DIS3L2: variants seen among roughly 807,000 people sequenced by gnomAD.
The protein encoded by DIS3L2 is DIS3-like exonuclease 2.
DIS3L2 carries 34 observed loss-of-function variants against 97.5 expected under a neutral mutation model. That is an observed-to-expected ratio of 0.35 (90% CI 0.27 to 0.46). The LOEUF is 0.46. Ranked by LOEUF, DIS3L2 falls within the 20% of genes least tolerant of loss-of-function variation. The pLI, the probability that DIS3L2 is intolerant of heterozygous loss-of-function variation, is 1.00. For missense variants in DIS3L2, 1,038 were observed against 1,146.0 expected (o/e 0.91, Z 1.36); for synonymous variants, 435 against 445.2 (o/e 0.98, Z 0.29).
intron 6 of DIS3L2, among the ~76,000 whole-genome samples, chr2:232,110,757 T>G (rs753299899): frequency 1.3e-4 from 20 of 152,104 alleles, no homozygotes; most frequent in Non-Finnish European, 2.8e-4. Flanking sequence ...ATGTTGGGCT[T>G]AACACCTGGG....
At chr2:232,255,190 A>G (rs1210229684) in intron 12 of DIS3L2, among the ~76,000 whole-genome samples, 1 of 152,246 alleles carries the variant, frequency 6.6e-6, no homozygotes, top group Non-Finnish European at 1.5e-5. Context: ...GGCAAGGGGT[A>G]GCCCTGCATC....
chr2:232,300,001 G>C (rs1694815127), intron 13 of DIS3L2, 39 bp from the exon 14 acceptor site: 1 of 1,587,124 alleles, frequency 6.3e-7, no homozygotes, highest in African/African-American at 1.3e-5. Flanking sequence ...AATAGAGCAT[G>C]CTGCCTAAAA....
intron 12 of DIS3L2, among the ~76,000 whole-genome samples, chr2:232,258,132 C>G (rs1233084305): frequency 6.6e-6 from 1 of 152,198 alleles, no homozygotes; most frequent in Non-Finnish European, 1.5e-5. Flanking sequence ...TGCTGTAGTA[C>G]ATAATTATGT....
chr2:232,025,487 A>G (rs1299322801), intron 4 of DIS3L2, among the ~76,000 whole-genome samples: 2 of 152,150 alleles, frequency 1.3e-5, no homozygotes, highest in Non-Finnish European at 2.9e-5. Flanking sequence ...TTCGAGTCTT[A>G]CCCATTGAAT....
At chr2:232,172,165 A>G (rs910906584) in intron 9 of DIS3L2, among the ~76,000 whole-genome samples, 2 of 152,228 alleles carry the variant, frequency 1.3e-5, no homozygotes, top group Non-Finnish European at 2.9e-5. Flanking sequence ...GAGATATTCA[A>G]ATACCACAAA....
At chr2:231,993,998 ATAGTTT>A (rs937161163) in intron 1 of DIS3L2, among the ~76,000 whole-genome samples, 11 of 149,940 alleles carry the variant, frequency 7.3e-5, no homozygotes, top group Non-Finnish European at 1.6e-4. Context: ...TAAGAGTTTT[ATAGTTT>A]TTGTATTAGA....
intron 5 of DIS3L2, among the ~76,000 whole-genome samples, chr2:232,048,143 A>G (rs1695294071): frequency 6.6e-6 from 1 of 152,204 alleles, no homozygotes; most frequent in South Asian, 2.1e-4. Context: ...TAAAATATAG[A>G]TCACTAAAAG....
In DIS3L2 at chr2:232,336,609, C is replaced by G. The variant is rs376299829; in HGVS notation, c.2637C>G (p.Pro879=). 6.8e-6 allele frequency: 11 copies of G among 1,606,066 alleles called. No individual in the cohort carries two copies. The East Asian group carries it at 1.6e-4, about 23-fold the overall frequency. ...AGGAGGAGGAGTCTGACGGTGAGCCCGAGGACTCAAGCACCAGCTGAGCTC... is the reference window on the plus strand; with the variant it reads ...AGGAGGAGGAGTCTGACGGTGAGCCGGAGGACTCAAGCACCAGCTGAGCTC... ...EKEEEESDGE[P]EDSSTS is the part of the protein sequence containing the mutation. The change falls in exon 21 of 21, where the codon CCC becomes CCG. Residue 879 remains proline (P), a synonymous_variant. Transcript: ENST00000325385.
intron 12 of DIS3L2, among the ~76,000 whole-genome samples, chr2:232,253,831 G>C (rs983284943): frequency 1.3e-5 from 2 of 152,192 alleles, no homozygotes; most frequent in African/African-American, 4.8e-5. Context: ...CTCTTGGGAA[G>C]TAACAGAGAG....
intron 14 of DIS3L2, among the ~76,000 whole-genome samples, chr2:232,316,387 G>A (rs1188639122): frequency 6.6e-6 from 1 of 152,018 alleles, no homozygotes; most frequent in Non-Finnish European, 1.5e-5. Flanking sequence ...ACAATGCTGT[G>A]TATTTTCACT....
At chr2:232,051,458 A>G (rs570026503) in intron 5 of DIS3L2, among the ~76,000 whole-genome samples, 5 of 152,332 alleles carry the variant, frequency 3.3e-5, no homozygotes, top group Admixed American at 2.6e-4. Context: ...TAGGAAGACC[A>G]AAAACACAGG....
intron 5 of DIS3L2, among the ~76,000 whole-genome samples, chr2:232,086,361 GTA>G (rs1559612690): frequency 1.9e-3 from 14 of 7,358 alleles, no homozygotes; most frequent in African/African-American, 0.01. Flanking sequence ...ATATATATGT[GTA>G]TATGTATATG....
intron 14 of DIS3L2, among the ~76,000 whole-genome samples, chr2:232,311,126 T>C (rs1305279337): frequency 2.6e-5 from 4 of 152,222 alleles, no homozygotes; most frequent in Non-Finnish European, 5.9e-5. Flanking sequence ...TTTCTGGCTT[T>C]CTGAGGCCAG....
chr2:232,089,091 A>G (rs747657561), intron 6 of DIS3L2, among the ~76,000 whole-genome samples: 7 of 152,228 alleles, frequency 4.6e-5, no homozygotes, highest in Non-Finnish European at 8.8e-5. Context: ...AGCCGAAGGT[A>G]TCTTCAGGAC....
At chr2:232,188,922 A>G (rs1038017925) in intron 9 of DIS3L2, among the ~76,000 whole-genome samples, 2 of 152,256 alleles carry the variant, frequency 1.3e-5, no homozygotes, top group South Asian at 2.1e-4. Context: ...CAGAAGACAT[A>G]CACTGAAGAG....
At chr2:231,964,963 A>C (rs985096559) in intron 1 of DIS3L2, among the ~76,000 whole-genome samples, 1 of 152,192 alleles carries the variant, frequency 6.6e-6, no homozygotes, top group African/African-American at 2.4e-5. Flanking sequence ...TCCTTTCCTT[A>C]TATTCTTAAG....
chr2:232,131,707 G>A (rs1193190574), intron 7 of DIS3L2: 1 of 152,050 alleles, frequency 6.6e-6, no homozygotes, highest in Admixed American at 6.6e-5. Context: ...TGTTTCATAT[G>A]GGAATGCAGT....
chr2:232,310,419 A>G (rs1406517290), intron 14 of DIS3L2, among the ~76,000 whole-genome samples: 1 of 151,754 alleles, frequency 6.6e-6, no homozygotes, highest in East Asian at 1.9e-4. Context: ...TGCAGGCACA[A>G]CTCCTGCTTC....
intron 5 of DIS3L2, among the ~76,000 whole-genome samples, chr2:232,081,063 A>G (rs935508192): frequency 6.6e-6 from 1 of 152,166 alleles, no homozygotes; most frequent in Non-Finnish European, 1.5e-5. Flanking sequence ...TGTTCTACAA[A>G]ATTTCTCAAA....
Sources: allele counts gnomAD v4.1 joint callset (sites outside exome capture counted in the v4.1 genomes callset), GRCh38; gene constraint gnomAD v4.1.1; transcripts MANE v1.5; gene names NCBI Gene and HGNC (gene_info 2026-07-23, HGNC 2026-07-21).